The following PPARGC1A variants were observed in gnomAD, a reference collection of about 807,000 sequenced individuals.
The protein encoded by PPARGC1A is PPARG coactivator 1 alpha.
PPARGC1A carries 25 observed loss-of-function variants against 88.7 expected under a neutral mutation model. The observed-to-expected ratio is 0.28, with a 90% confidence interval of 0.21 to 0.39. The LOEUF is 0.39. Among genes scored for constraint, PPARGC1A ranks in the 10% least tolerant of loss-of-function variants. The pLI is 1.00. For synonymous variants in PPARGC1A, 363 were observed against 355.6 expected, an observed-to-expected ratio of 1.02 and a Z score of -0.24; for missense variants, 880 against 968.7, an observed-to-expected ratio of 0.91 and a Z score of 1.22.
chr4:24,319,330 G>A, the PPARGC1A span, among the ~76,000 whole-genome samples: 28 of 152,192 alleles, frequency 1.8e-4, 1 homozygote, highest in Non-Finnish European at 3.2e-4. Context: ...CTGGGTGACA[G>A]AGTGAGACCC....
At chr4:24,011,891 T>C in the PPARGC1A span, among the ~76,000 whole-genome samples, 2 of 152,198 alleles carry the variant, frequency 1.3e-5, no homozygotes, top group African/African-American at 4.8e-5. Flanking sequence ...TGCCAACTTA[T>C]CATATGAACA....
the PPARGC1A span, among the ~76,000 whole-genome samples, chr4:24,401,932 T>C: frequency 2.0e-5 from 3 of 152,156 alleles, no homozygotes; most frequent in South Asian, 6.2e-4. Flanking sequence ...TTACTTAGCT[T>C]GTAAAAAGCA....
intron 2 of PPARGC1A, among the ~76,000 whole-genome samples, chr4:23,869,328 G>C (rs1389898215): frequency 6.6e-6 from 1 of 152,146 alleles, no homozygotes; most frequent in South Asian, 2.1e-4. Context: ...CAGGGGAGCT[G>C]GACTGCTCAC....
the PPARGC1A span, among the ~76,000 whole-genome samples, chr4:24,024,246 ATC>A: frequency 6.6e-6 from 1 of 152,338 alleles, no homozygotes; most frequent in East Asian, 1.9e-4. Context: ...TACATGACTT[ATC>A]TCACGTAATC....
the PPARGC1A span, among the ~76,000 whole-genome samples, chr4:24,204,636 A>T: frequency 6.6e-6 from 1 of 152,034 alleles, no homozygotes; most frequent in Admixed American, 6.6e-5. Flanking sequence ...GGGAGGTGTA[A>T]ATATCAGAGT....
At chr4:24,027,447 T>TA in the PPARGC1A span, among the ~76,000 whole-genome samples, 1 of 152,144 alleles carries the variant, frequency 6.6e-6, no homozygotes, top group South Asian at 2.1e-4. Context: ...TAAAATGAGA[T>TA]AAATCATATA....
intron 2 of PPARGC1A, among the ~76,000 whole-genome samples, chr4:23,833,333 C>T (rs576860076): frequency 6.6e-6 from 1 of 152,332 alleles, no homozygotes; most frequent in Admixed American, 6.5e-5. Context: ...TTATTGCCAA[C>T]AATATCTTCT....
At chr4:24,381,469 A>G in the PPARGC1A span, among the ~76,000 whole-genome samples, 1 of 152,238 alleles carries the variant, frequency 6.6e-6, no homozygotes, top group Non-Finnish European at 1.5e-5. Flanking sequence ...CCAAGAAATG[A>G]AGTCATTGTT....
chr4:24,173,088 C>T, the PPARGC1A span, among the ~76,000 whole-genome samples: 1 of 152,026 alleles, frequency 6.6e-6, no homozygotes, highest in Non-Finnish European at 1.5e-5. Context: ...TGATGCTTTC[C>T]AAAGTTGTTA....
chr4:23,804,887 G>A (rs1216311547), intron 10 of PPARGC1A, among the ~76,000 whole-genome samples: 1 of 152,130 alleles, frequency 6.6e-6, no homozygotes, highest in Non-Finnish European at 1.5e-5. Context: ...GACTTGCAGT[G>A]AGGTCAGAAT....
At chr4:24,046,994 G>A in the PPARGC1A span, among the ~76,000 whole-genome samples, 1 of 152,082 alleles carries the variant, frequency 6.6e-6, no homozygotes, top group East Asian at 1.9e-4. Flanking sequence ...GATGCTGGCC[G>A]GTGGTGGTTG....
Position 23,793,909 on chromosome 4 carries a change from A to G in PPARGC1A, c.*1913T>C, listed in dbSNP as rs1717078106. Reference sequence around the variant, plus strand: ...AATTTCCACTGGCTTTATTATTTTCATCATCTCATAATTTATAATAAATAG... The same window carrying G: ...AATTTCCACTGGCTTTATTATTTTCGTCATCTCATAATTTATAATAAATAG... On this transcript the variant is annotated 3_prime_UTR_variant, in exon 13 of 13. Transcript: ENST00000264867. 6.6e-6 allele frequency: 1 copy of G among 152,524 alleles called. No individual in the cohort carries two copies. The highest frequency in any genetic ancestry group is 6.6e-5 in the Admixed American group (1 of 15,254). 9.4% of individuals were successfully genotyped at this position (152,524 alleles called of 1,614,324 possible).
At chr4:24,321,828 A>T in the PPARGC1A span, among the ~76,000 whole-genome samples, 25 of 152,366 alleles carry the variant, frequency 1.6e-4, no homozygotes, top group South Asian at 4.8e-3. Flanking sequence ...GAGACTTAAG[A>T]ACAGACAACA....
chr4:24,194,663 C>CAT, the PPARGC1A span, among the ~76,000 whole-genome samples: 14 of 15,892 alleles, frequency 8.8e-4, no homozygotes, highest in African/African-American at 1.4e-3. Context: ...CACACACACA[C>CAT]ACACACCCCC....
At chr4:24,462,175 T>A in the PPARGC1A span, among the ~76,000 whole-genome samples, 1 of 151,926 alleles carries the variant, frequency 6.6e-6, no homozygotes, top group African/African-American at 2.4e-5. Flanking sequence ...AACCTCTGTC[T>A]CCCCAGTTGA....
At chr4:23,858,209 TA>T (rs1730555699) in intron 2 of PPARGC1A, among the ~76,000 whole-genome samples, 1 of 152,112 alleles carries the variant, frequency 6.6e-6, no homozygotes, top group South Asian at 2.1e-4. Flanking sequence ...CCAGGCACTA[TA>T]CAGGACATTT....
the PPARGC1A span, among the ~76,000 whole-genome samples, chr4:23,925,948 G>T: frequency 6.6e-6 from 1 of 152,294 alleles, no homozygotes; most frequent in East Asian, 1.9e-4. Context: ...GTAAGAGATT[G>T]GTGTTAGTTG....
At chr4:24,303,434 G>A in the PPARGC1A span, among the ~76,000 whole-genome samples, 3 of 152,098 alleles carry the variant, frequency 2.0e-5, no homozygotes, top group African/African-American at 7.2e-5. Flanking sequence ...AAAAAGGATT[G>A]TATTGGGGCC....
chr4:24,389,767 A>G, the PPARGC1A span, among the ~76,000 whole-genome samples: 1 of 152,160 alleles, frequency 6.6e-6, no homozygotes, highest in African/African-American at 2.4e-5. Context: ...ACTCTGTGAG[A>G]CAGAGCTCAG....
Sources: allele counts gnomAD v4.1 joint callset (sites outside exome capture counted in the v4.1 genomes callset), GRCh38; gene constraint gnomAD v4.1.1; transcripts MANE v1.5; gene names NCBI Gene and HGNC (gene_info 2026-07-23, HGNC 2026-07-21).